Variants in PPP1R13B observed in about 807,000 individuals in gnomAD.
The protein encoded by PPP1R13B is protein phosphatase 1 regulatory subunit 13B.
PPP1R13B carries 44 observed loss-of-function variants against 119.8 expected under a neutral mutation model. The observed-to-expected ratio is 0.37, with a 90% CI of 0.29 to 0.47. The LOEUF is 0.47. Among genes scored for constraint, PPP1R13B ranks in the 20% least tolerant of loss-of-function variants. The pLI is 0.99. For missense variants in PPP1R13B, 1,227 were observed against 1,413.5 expected (o/e 0.87, Z 2.12); for synonymous variants, 542 against 561.5 (o/e 0.97, Z 0.49).
chr14:103,799,804 G>A (rs1479521032), intron 1 of PPP1R13B, among the ~76,000 whole-genome samples: 1 of 151,884 alleles, frequency 6.6e-6, no homozygotes, highest in Non-Finnish European at 1.5e-5. Context: ...TCCCAGATTT[G>A]GGAGGCCAAG....
At chr14:103,837,107 T>C (rs1220081407) in intron 1 of PPP1R13B, among the ~76,000 whole-genome samples, 1 of 152,192 alleles carries the variant, frequency 6.6e-6, no homozygotes, top group East Asian at 1.9e-4. Flanking sequence ...GCCAGGTGCC[T>C]GGAGCACAAA....
At chr14:103,760,660 T>C (rs1332629119) in intron 4 of PPP1R13B, among the ~76,000 whole-genome samples, 1 of 152,054 alleles carries the variant, frequency 6.6e-6, no homozygotes, top group Non-Finnish European at 1.5e-5. Context: ...CCAACACCGA[T>C]GTTCACTACC....
At chr14:103,828,272 G>C (rs1044651127) in intron 1 of PPP1R13B, among the ~76,000 whole-genome samples, 14 of 151,716 alleles carry the variant, frequency 9.2e-5, no homozygotes, top group Admixed American at 5.3e-4. Flanking sequence ...GAGAGGCAGA[G>C]GCAGGAGAAT....
At chr14:103,822,524 C>A (rs1488025349) in intron 1 of PPP1R13B, among the ~76,000 whole-genome samples, 5 of 152,136 alleles carry the variant, frequency 3.3e-5, no homozygotes, top group Non-Finnish European at 7.4e-5. Context: ...AAAATTCACC[C>A]TAACTACCTA....
intron 2 of PPP1R13B, among the ~76,000 whole-genome samples, chr14:103,790,541 C>T (rs1030225380): frequency 2.0e-5 from 3 of 152,116 alleles, no homozygotes; most frequent in Non-Finnish European, 4.4e-5. Flanking sequence ...CTTTGGGAGG[C>T]CAAGGCAGGT....
At position 103,734,184 on chromosome 14, in the gene PPP1R13B, T is replaced by G; in HGVS notation, c.*970A>C. Reference sequence around the variant, plus strand: ...AGGCAGGGAGATCGGCAGAGAGGGGTGGCCCCTGACCCCAGCTCCTCTGCC... The same window carrying G: ...AGGCAGGGAGATCGGCAGAGAGGGGGGGCCCCTGACCCCAGCTCCTCTGCC... On this transcript the variant is annotated 3_prime_UTR_variant, in exon 17 of 17. Transcript: ENST00000202556. 1 of 240,350 alleles carries G rather than the reference T, an allele frequency of 4.2e-6. No homozygotes were observed. The highest frequency in any genetic ancestry group is 5.6e-5 in the South Asian group (1 of 17,950). 14.9% of individuals were successfully genotyped at this position (240,350 alleles called of 1,614,324 possible). A position where few individuals can be genotyped will look rare whatever the true frequency, so the allele number is the denominator to read the frequency against.
rs780094028 is a variant in PPP1R13B at position 103,740,015 on chromosome 14, G to C, written c.2401C>G (p.Pro801Ala). 1 of 1,614,100 alleles carries C rather than the reference G, an allele frequency of 6.2e-7. No homozygotes were observed. Residue 801 changes from proline (P) to alanine (A), a missense_variant, in exon 12 of 17, where the codon CCA becomes GCA. Pro to Ala is a conservative substitution (Grantham distance 27, BLOSUM62 -1). Transcript: ENST00000202556. This position sits in a 1 kb window ranked among gnomAD's most constrained non-coding sequence, Gnocchi z 4.6. ...GTTTGGGGACAGATGAGCTCCTCTG[G>C]TTCGGGGGAAGGTAACTCATTATCA... ...ANDNELPSPE[P>A]EELICPQTTH...
chr14:103,835,402 G>C (rs1016801733), intron 1 of PPP1R13B, among the ~76,000 whole-genome samples: 3 of 151,532 alleles, frequency 2.0e-5, no homozygotes, highest in African/African-American at 7.3e-5. Flanking sequence ...TGGGATTACA[G>C]GCATGAGCCA....
Position 103,804,271 on chromosome 14 carries a change from C to A in PPP1R13B, c.10-6753G>T, listed in dbSNP as rs148375464. On this transcript the variant is annotated intron_variant, in intron 1 of 16. Coordinates refer to ENST00000202556, the MANE Select transcript of PPP1R13B (RefSeq NM_015316.3). ...GTCATCTTACCCTTGCTTTCAGGAA[C>A]ATCTGAACTAAGAAAATCAACTGAA... Among the ~76,000 whole-genome samples the A allele has an allele frequency of 3.9e-5, 6 of 152,270 alleles. No individual in the cohort carries two copies. In the East Asian group the frequency reaches 1.2e-3, roughly 29 times the overall value.
intron 12 of PPP1R13B, chr14:103,739,224 CCTGT>C (rs928930647): frequency 1.6e-6 from 1 of 625,584 alleles, no homozygotes; most frequent in Non-Finnish European, 2.7e-6. Flanking sequence ...AAGGGAGAGC[CCTGT>C]CTGAGGCCTG....
chr14:103,741,842 A>C lies in PPP1R13B; in HGVS notation c.1770T>G (p.Pro590=). Residue 590 remains proline (P), a synonymous_variant, in exon 11 of 17, where the codon CCT becomes CCG. Coordinates refer to ENST00000202556, the MANE Select transcript of PPP1R13B (RefSeq NM_015316.3). The stretch of plus-strand genomic sequence containing the variant: ...TGTGTGCTGCCGGCTGGTAATTCTT[A>C]GGTGGTGTGGCTTGCTGGAGGTACA... ...YSMYLQQATP[P]KNYQPAAHSA... 1 of 1,614,172 alleles carries C rather than the reference A, an allele frequency of 6.2e-7. No individual in the cohort carries two copies. The highest frequency in any genetic ancestry group is 8.5e-7 in the Non-Finnish European group (1 of 1,180,030).
chr14:103,819,504 A>AG (rs1176789196), intron 1 of PPP1R13B, among the ~76,000 whole-genome samples: 1 of 149,322 alleles, frequency 6.7e-6, no homozygotes, highest in African/African-American at 2.5e-5. Flanking sequence ...TCTATTAAAA[A>AG]AAACAAACAA....
chr14:103,821,184 T>C (rs2086397229), intron 1 of PPP1R13B, among the ~76,000 whole-genome samples: 1 of 152,210 alleles, frequency 6.6e-6, no homozygotes, highest in African/African-American at 2.4e-5. Flanking sequence ...CCAGGCTGAT[T>C]CTCATCCCTG....
intron 1 of PPP1R13B, among the ~76,000 whole-genome samples, chr14:103,798,221 G>A (rs977818255): frequency 1.4e-5 from 2 of 142,776 alleles, no homozygotes; most frequent in South Asian, 2.2e-4. Flanking sequence ...GCGCGATCTC[G>A]GCTCACTGCA....
Position 103,734,791 on chromosome 14 carries a change from T to C in PPP1R13B, c.*363A>G, listed in dbSNP as rs995422246. On this transcript the variant is annotated 3_prime_UTR_variant, in exon 17 of 17. Transcript: ENST00000202556. ...CACAGCGGCGGACAGTGTTCACTGC[T>C]GGAGGGGGTGATGGCCTCGGGGCCA... 2.5e-4 allele frequency: 114 copies of C among 459,742 alleles called. 1 individual carries two copies. The highest frequency in any genetic ancestry group is 4.1e-4 in the Non-Finnish European group (96 of 231,566). The allele number at this position is 459,742 out of a possible 1,614,324, so 28.5% of individuals were successfully genotyped here.
At chr14:103,809,626 GC>G (rs1280257674) in intron 1 of PPP1R13B, among the ~76,000 whole-genome samples, 1 of 151,922 alleles carries the variant, frequency 6.6e-6, no homozygotes, top group Non-Finnish European at 1.5e-5. Flanking sequence ...CTCGAGATCA[GC>G]CTGGGCAACA....
At chr14:103,837,398 A>T (rs1231316265) in intron 1 of PPP1R13B, among the ~76,000 whole-genome samples, 2 of 152,156 alleles carry the variant, frequency 1.3e-5, no homozygotes, top group Admixed American at 1.3e-4. Flanking sequence ...TTATTCTCAC[A>T]ACCCTTTAAA....
intron 1 of PPP1R13B, among the ~76,000 whole-genome samples, chr14:103,811,363 A>C (rs903570143): frequency 2.6e-5 from 4 of 152,092 alleles, no homozygotes; most frequent in African/African-American, 9.7e-5. Flanking sequence ...TGCAAAGTAC[A>C]TATTTGATAA....
Position 103,741,844 on chromosome 14 carries a change from G to A in PPP1R13B, c.1768C>T (p.Pro590Ser). The change falls in exon 11 of 17, where the codon CCT becomes TCT. Residue 590 changes from proline to serine, a missense_variant. Coordinates refer to ENST00000202556, the MANE Select transcript of PPP1R13B (RefSeq NM_015316.3). ...TGTGCTGCCGGCTGGTAATTCTTAG[G>A]TGGTGTGGCTTGCTGGAGGTACATG... ...YSMYLQQATP[P>S]KNYQPAAHSA... 6.2e-7 allele frequency: 1 copy of A among 1,614,194 alleles called. No homozygotes were observed. Among genetic ancestry groups the A allele is most frequent in the Non-Finnish European group, 8.5e-7 (1 of 1,180,034 alleles).
Sources: allele counts gnomAD v4.1 joint callset (sites outside exome capture counted in the v4.1 genomes callset), GRCh38; gene constraint gnomAD v4.1.1; non-coding constraint Gnocchi (gnomAD v3.1); transcripts MANE v1.5; gene names NCBI Gene and HGNC (gene_info 2026-07-23, HGNC 2026-07-21).